HORMAD2: variants seen among roughly 807,000 people sequenced by gnomAD.
HORMAD2 encodes HORMA domain-containing protein 2.
HORMAD2 carries 45 observed loss-of-function variants against 38.8 expected under a neutral mutation model. That is an observed-to-expected ratio of 1.16 (90% CI 0.91 to 1.49). The LOEUF is 1.49. Among genes scored for constraint, HORMAD2 ranks in the 40% most tolerant of loss-of-function variants. The probability of loss-of-function intolerance (pLI) is 0.00; values close to 1 mark genes in which losing one functional copy is unlikely to be tolerated. For missense variants in HORMAD2, 338 were observed against 367.0 expected (o/e 0.92, Z 0.65); for synonymous variants, 126 against 122.8 (o/e 1.03, Z -0.17).
At chr22:30,085,886 T>C (rs773610890) in intron 1 of HORMAD2, among the ~76,000 whole-genome samples, 2 of 152,226 alleles carry the variant, frequency 1.3e-5, no homozygotes, top group Non-Finnish European at 2.9e-5. Flanking sequence ...ACAGTATATA[T>C]TGCAAAGGGC....
Position 30,176,283 on chromosome 22 carries a change from T to C in HORMAD2, c.*116T>C. On this transcript the variant is annotated 3_prime_UTR_variant, in exon 11 of 11. Coordinates refer to ENST00000336726, the MANE Select transcript of HORMAD2 (RefSeq NM_152510.4). ...TACCAAAACCTTTTTCTAAATTTTTTGCTCAATTTTTTTTGTCAGTTGCTA... is the reference window on the plus strand; with the variant it reads ...TACCAAAACCTTTTTCTAAATTTTTCGCTCAATTTTTTTTGTCAGTTGCTA... 1 of 764,688 alleles carries C rather than the reference T, an allele frequency of 1.3e-6. No individual in the cohort carries two copies. Among genetic ancestry groups the C allele is most frequent in the African/African-American group, 1.8e-5 (1 of 56,668 alleles). 47.4% of individuals were successfully genotyped at this position (764,688 alleles called of 1,614,324 possible).
chr22:30,177,715 CTTTTTTTTTTT>C (rs59806772), downstream of HORMAD2, among the ~76,000 whole-genome samples: 9 of 94,876 alleles, frequency 9.5e-5, no homozygotes, highest in East Asian at 2.2e-3. Context: ...TAAGGAGGAG[CTTTTTTTTTTT>C]TTTTTTTTTT....
chr22:30,080,258 G>GAGGGGCCGGGCGGGCT (rs1286528476), upstream of HORMAD2: 1 of 152,456 alleles, frequency 6.6e-6, no homozygotes, highest in East Asian at 1.9e-4. Flanking sequence ...GGCGGCTGCT[G>GAGGGGCCGGGCGGGCT]AGGGGCCGGG....
At chr22:30,170,369 C>T (rs1313050128) in intron 10 of HORMAD2, among the ~76,000 whole-genome samples, 1 of 152,152 alleles carries the variant, frequency 6.6e-6, no homozygotes, top group African/African-American at 2.4e-5. Flanking sequence ...AAGTACCGTG[C>T]CCTGAACTGC....
At chr22:30,186,073 A>T in the HORMAD2 span, among the ~76,000 whole-genome samples, 1 of 152,162 alleles carries the variant, frequency 6.6e-6, no homozygotes, top group Non-Finnish European at 1.5e-5. Flanking sequence ...TTTAAAGGTG[A>T]TAGTTAACTA....
At chr22:30,206,191 G>C in the HORMAD2 span, among the ~76,000 whole-genome samples, 2 of 152,120 alleles carry the variant, frequency 1.3e-5, no homozygotes, top group Non-Finnish European at 2.9e-5. Context: ...TTTTGAGATG[G>C]AGTCTTGCTC....
intron 10 of HORMAD2, among the ~76,000 whole-genome samples, chr22:30,141,595 CT>C (rs35003620): frequency 0.29 from 39,067 of 134,564 alleles, 4,796 homozygotes; most frequent in Middle Eastern, 0.38. Context: ...AGAGAACATA[CT>C]TTTTTTTTTT....
chr22:30,077,954 T>C (rs2068403934), upstream of HORMAD2, among the ~76,000 whole-genome samples: 1 of 152,116 alleles, frequency 6.6e-6, no homozygotes, highest in African/African-American at 2.4e-5. Context: ...ATGAACATAA[T>C]AAAAGAAGTA....
intron 10 of HORMAD2, among the ~76,000 whole-genome samples, chr22:30,153,175 C>T (rs1427701588): frequency 6.6e-6 from 1 of 152,086 alleles, no homozygotes; most frequent in Non-Finnish European, 1.5e-5. Context: ...CAGAATTCCC[C>T]TAAGCCTTCC....
chr22:30,120,600 G>A (rs1009916724), intron 8 of HORMAD2, among the ~76,000 whole-genome samples: 2 of 152,214 alleles, frequency 1.3e-5, no homozygotes, highest in South Asian at 2.1e-4. Flanking sequence ...GTTTAGAATT[G>A]GAAGGTAATT....
At chr22:30,191,308 C>T in the HORMAD2 span, among the ~76,000 whole-genome samples, 1 of 152,154 alleles carries the variant, frequency 6.6e-6, no homozygotes, top group Non-Finnish European at 1.5e-5. Context: ...AGACATTTTG[C>T]AAATAGAGTC....
chr22:30,103,953 C>G (rs114482476), intron 4 of HORMAD2, among the ~76,000 whole-genome samples: 1 of 151,972 alleles, frequency 6.6e-6, no homozygotes, highest in Admixed American at 6.6e-5. Flanking sequence ...AGCCACTGCC[C>G]TGACCTACTT....
At chr22:30,129,086 T>G (rs763246299) in intron 10 of HORMAD2, among the ~76,000 whole-genome samples, 21 of 150,888 alleles carry the variant, frequency 1.4e-4, no homozygotes, top group Non-Finnish European at 2.8e-4. Context: ...GGCGTGGTGG[T>G]GGGCACCTGT....
chr22:30,093,327 T>C (rs2068725236), intron 1 of HORMAD2, among the ~76,000 whole-genome samples: 1 of 152,196 alleles, frequency 6.6e-6, no homozygotes, highest in Non-Finnish European at 1.5e-5. Flanking sequence ...GTATAAACAT[T>C]AACTTCTGAG....
At chr22:30,114,958 G>A (rs1386301641) in intron 7 of HORMAD2, among the ~76,000 whole-genome samples, 6 of 152,160 alleles carry the variant, frequency 3.9e-5, no homozygotes, top group Non-Finnish European at 8.8e-5. Context: ...AAAATGAGTA[G>A]CAAGTATTAG....
At chr22:30,196,292 G>A in the HORMAD2 span, among the ~76,000 whole-genome samples, 1 of 152,206 alleles carries the variant, frequency 6.6e-6, no homozygotes, top group African/African-American at 2.4e-5. Flanking sequence ...AGGATTTTGC[G>A]AGTGAAAGCA....
At position 30,176,383 on chromosome 22, in the gene HORMAD2, G is replaced by C. The variant is rs995307211; in HGVS notation, c.*216G>C. On this transcript the variant is annotated 3_prime_UTR_variant, in exon 11 of 11. Coordinates refer to ENST00000336726, the MANE Select transcript of HORMAD2 (RefSeq NM_152510.4). ...AAAGCGGGTCAATAGGGCTGCCTCT[G>C]GATAGCATTACTTCAAAGCTGGGTT... The C allele has an allele frequency of 2.3e-5, 11 of 470,808 alleles. No homozygotes were observed. In the East Asian group the frequency reaches 3.8e-4, roughly 16 times the overall value. 29.2% of individuals were successfully genotyped at this position (470,808 alleles called of 1,614,324 possible).
chr22:30,125,558 A>G (rs1922806403), intron 10 of HORMAD2, among the ~76,000 whole-genome samples: 1 of 151,784 alleles, frequency 6.6e-6, no homozygotes, highest in South Asian at 2.1e-4. Flanking sequence ...AGGTCTTTTG[A>G]GCAATGTAAG....
At chr22:30,088,174 C>T (rs925826782) in intron 1 of HORMAD2, among the ~76,000 whole-genome samples, 1 of 146,342 alleles carries the variant, frequency 6.8e-6, no homozygotes, top group Non-Finnish European at 1.5e-5. Context: ...CCTATGTATA[C>T]ATATATACAT....
Sources: gnomAD v4.1 joint callset for allele counts (sites outside exome capture counted in the v4.1 genomes callset) on GRCh38, gnomAD v4.1.1 for gene constraint, MANE v1.5 for transcripts, NCBI Gene and HGNC (gene_info 2026-07-23, HGNC 2026-07-21) for gene names.